Variants in IL9R observed in about 807,000 individuals in gnomAD.
IL9R encodes the protein interleukin 9 receptor, also known as interleukin-9 receptor.
A neutral mutation model predicts 56.3 loss-of-function variants in IL9R; 54 were observed. The observed-to-expected ratio is 0.96, with a 90% CI of 0.77 to 1.20. The LOEUF (loss-of-function observed/expected upper bound fraction) is 1.20. IL9R is among the 50% of genes most tolerant of loss of function. The pLI is 0.00. For synonymous variants in IL9R, 212 were observed against 250.2 expected (o/e 0.85, Z 1.44); for missense variants, 545 against 629.8 (o/e 0.87, Z 1.44).
chrX:156,004,648 A>G, intron 5 of IL9R, 83 bp downstream of exon 5: 1 of 1,386,258 alleles, frequency 7.2e-7, no homozygotes, highest in East Asian at 2.3e-5. Context: ...ACATAGGGAG[A>G]TGTCAACTTG....
intron 5 of IL9R, 62 bp downstream of exon 5, chrX:156,004,627 C>A (rs944882652): frequency 1.3e-6 from 2 of 1,521,858 alleles, no homozygotes; most frequent in African/African-American, 2.7e-5. Flanking sequence ...CCAGGGTAGA[C>A]TCCCCACTCT....
intron 1 of IL9R, chrX:156,001,414 C>T: frequency 1.2e-6 from 2 of 1,608,230 alleles, no homozygotes; most frequent in Non-Finnish European, 1.7e-6. Flanking sequence ...CCAGTAACTG[C>T]TGCAAGAACG....
At chrX:156,002,188 A>T (rs2067577548) in intron 1 of IL9R, among the ~76,000 whole-genome samples, 4 of 77,722 alleles carry the variant, frequency 5.1e-5, no homozygotes, top group South Asian at 8.0e-4. Context: ...CTAAAAATAC[A>T]AAAAAAAAAA....
intron 8 of IL9R, among the ~76,000 whole-genome samples, chrX:156,009,185 GTGTGTCTGTGTGTGTA>G (rs1218222132): frequency 3.2e-4 from 48 of 148,002 alleles, no homozygotes; most frequent in Middle Eastern, 3.5e-3. Flanking sequence ...GTGTGTGTCT[GTGTGTCTGTGTGTGTA>G]TGTGTCTGTG....
chrX:156,001,574 G>C, intron 1 of IL9R: 3 of 1,066,058 alleles, frequency 2.8e-6, no homozygotes, highest in Non-Finnish European at 4.4e-6. Flanking sequence ...ACGCTGCCGG[G>C]AGTGGGGCAG....
In IL9R at chrX:156,009,913, C is replaced by T. The variant is rs778454477; in HGVS notation, c.1070C>T (p.Ala357Val). 4 of 1,550,342 alleles carry T rather than the reference C, an allele frequency of 2.6e-6. No individual in the cohort carries two copies. Among genetic ancestry groups the T allele is most frequent in the Non-Finnish European group, 3.5e-6 (4 of 1,157,932 alleles). Residue 357 changes from alanine to valine, a missense_variant, in exon 9 of 9, where the codon GCA becomes GTA. This residue lies in a region of IL9R where 114 missense variants were observed against 269.8 expected (regional missense o/e 0.42). Coordinates refer to ENST00000244174, the MANE Select transcript of IL9R (RefSeq NM_002186.3). ...ALEPCVQEAT[A>V]LLTCGPARPW... Reference sequence around the variant, plus strand: ...GAGCCCTGCGTCCAGGAGGCCACTGCACTGCTCACTTGTGGCCCAGCGCGT... The same window carrying T: ...GAGCCCTGCGTCCAGGAGGCCACTGTACTGCTCACTTGTGGCCCAGCGCGT...
chrX:155,998,578 A>T (rs778851386), intron 1 of IL9R, among the ~76,000 whole-genome samples: 227 of 151,118 alleles, frequency 1.5e-3, no homozygotes, highest in Non-Finnish European at 2.1e-3. Flanking sequence ...ATTATTATTA[A>T]TTTTTTTTTG....
In IL9R at chrX:156,002,960, C is replaced by T. The variant is rs1028074444; in HGVS notation, c.83C>T (p.Ala28Val). Residue 28 changes from alanine (A) to valine (V), a missense_variant, in exon 2 of 9, where the codon GCC becomes GTC. Ala to Val is a moderately conservative substitution (Grantham distance 64). Around this residue, in one of 2 missense-constraint regions of IL9R, gnomAD observed 431 missense variants for 360.0 expected, o/e 1.20. Coordinates refer to ENST00000244174, the MANE Select transcript of IL9R (RefSeq NM_002186.3). ...CGAGACATGGGCACCTGGCTCCTGGCCTGCATCTGCATCTGCACCTGTGTC... is the reference window on the plus strand; with the variant it reads ...CGAGACATGGGCACCTGGCTCCTGGTCTGCATCTGCATCTGCACCTGTGTC... ...LRRDMGTWLL[A>V]CICICTCVCL... The T allele has an allele frequency of 4.3e-6, 7 of 1,613,902 alleles. No individual in the cohort carries two copies. Among genetic ancestry groups the T allele is most frequent in the Non-Finnish European group, 5.9e-6 (7 of 1,179,842 alleles).
intron 8 of IL9R, among the ~76,000 whole-genome samples, chrX:156,009,385 T>TTGTG (rs746512161): frequency 2.9e-5 from 4 of 139,444 alleles, no homozygotes; most frequent in Admixed American, 2.1e-4. Flanking sequence ...CTGTGTGTGT[T>TTGTG]TGTGTGTGTG....
chrX:155,998,531 T>C (rs1223501854), intron 1 of IL9R, among the ~76,000 whole-genome samples: 3 of 152,208 alleles, frequency 2.0e-5, no homozygotes, highest in East Asian at 3.9e-4. Flanking sequence ...TTCCCAGAGC[T>C]GTCACGCTAC....
chrX:156,003,065 G>A, intron 2 of IL9R, 46 bp downstream of exon 2: 2 of 1,610,930 alleles, frequency 1.2e-6, no homozygotes, highest in South Asian at 1.1e-5. Flanking sequence ...TGGAGAACTA[G>A]GGCATGTTTG....
chrX:156,009,241 G>GTGTTC (rs1377556588), intron 8 of IL9R, among the ~76,000 whole-genome samples: 1 of 26,702 alleles, frequency 3.7e-5, no homozygotes, highest in Admixed American at 2.9e-4. Context: ...GTGTTCGTGT[G>GTGTTC]GTGTGTGTGT....
At chrX:156,008,518 C>G (rs1439053386) in intron 8 of IL9R, among the ~76,000 whole-genome samples, 1 of 152,200 alleles carries the variant, frequency 6.6e-6, no homozygotes, top group Non-Finnish European at 1.5e-5. Context: ...ATGTGACTGT[C>G]AGGAGCCTGG....
chrX:156,009,792 C>G lies in IL9R; in HGVS notation c.973-24C>G. ...TTCTGAACATGCTACCTGAGCCCTT[C>G]CCTCCTCCCGTGCTCTGTTCCAGAC... On this transcript the variant is annotated intron_variant, in intron 8 of 8. Coordinates refer to ENST00000244174, the MANE Select transcript of IL9R (RefSeq NM_002186.3). The G allele has an allele frequency of 2.6e-6, 3 of 1,159,320 alleles. 1 individual carries two copies. Among genetic ancestry groups the G allele is most frequent in the Non-Finnish European group, 3.4e-6 (3 of 881,052 alleles). The allele number at this position is 1,159,320 out of a possible 1,614,324, so 71.8% of individuals were successfully genotyped here. A position where few individuals can be genotyped will look rare whatever the true frequency, so the allele number is the denominator to read the frequency against.
chrX:156,006,495 G>A (rs1377488906), intron 7 of IL9R, among the ~76,000 whole-genome samples: 5 of 151,000 alleles, frequency 3.3e-5, no homozygotes, highest in African/African-American at 9.8e-5. Flanking sequence ...CAGAGTCACC[G>A]AGATCAAGAG....
chrX:156,005,581 C>A, intron 6 of IL9R, 102 bp downstream of exon 6: 1 of 971,832 alleles, frequency 1.0e-6, no homozygotes, highest in Admixed American at 2.0e-5. Flanking sequence ...CTGTAAGCCC[C>A]TCCCCGAGGC....
chrX:156,005,337 G>C lies in IL9R; in HGVS notation c.639G>C (p.Glu213Asp). Reference protein sequence around the residue: ...GVTWLILEAFELDPGFIHEAR... With the variant: ...GVTWLILEAFDLDPGFIHEAR... Reference sequence around the variant, plus strand: ...CCTGGCTTATACTTGAAGCCTTTGAGCTGGACCCTGGCTTTATCCATGAGG... The same window carrying C: ...CCTGGCTTATACTTGAAGCCTTTGACCTGGACCCTGGCTTTATCCATGAGG... Residue 213 changes from glutamate to aspartate, a missense_variant, in exon 6 of 9, where the codon GAG (glutamate) becomes GAC (aspartate). By Grantham distance (45) the Glu-to-Asp change is conservative (BLOSUM62 2). This residue lies in a region of IL9R where 431 missense variants were observed against 360.0 expected (regional missense o/e 1.20). Coordinates refer to ENST00000244174, the MANE Select transcript of IL9R (RefSeq NM_002186.3). 6 of 1,612,446 alleles carry C rather than the reference G, an allele frequency of 3.7e-6. No homozygotes were observed. The highest frequency in any genetic ancestry group is 5.1e-6 in the Non-Finnish European group (6 of 1,179,834).
At chrX:156,007,990 C>T (rs2068096396) in intron 8 of IL9R, 4 of 270,326 alleles carry the variant, frequency 1.5e-5, no homozygotes, top group South Asian at 1.3e-4. Context: ...GTGTGCTGCC[C>T]TTGGGGCTCT....
chrX:156,005,243 C>T (rs769155097), intron 5 of IL9R, 35 bp from the exon 6 acceptor site: 3 of 1,594,610 alleles, frequency 1.9e-6, no homozygotes, highest in East Asian at 2.2e-5. Context: ...CCCAGCCCCA[C>T]CTTCACCACC....
Sources: gnomAD v4.1 joint callset for allele counts (sites outside exome capture counted in the v4.1 genomes callset) on GRCh38, gnomAD v4.1.1 for gene constraint, gnomAD v4.1.1 regional missense constraint, MANE v1.5 for transcripts, NCBI Gene and HGNC (gene_info 2026-07-23, HGNC 2026-07-21) for gene names.